Variants in SUSD1 observed in about 807,000 individuals in gnomAD.
SUSD1 encodes the protein sushi domain containing 1, also known as sushi domain-containing protein 1.
A neutral mutation model predicts 86.9 loss-of-function variants in SUSD1; 65 were observed. The ratio of observed to expected loss-of-function variants is 0.75; its 90% confidence interval spans 0.61 to 0.92. The LOEUF (loss-of-function observed/expected upper bound fraction) is 0.92. SUSD1 is among the 40% of genes least tolerant of loss of function. The pLI is 0.00. For missense variants in SUSD1, 850 were observed against 929.7 expected, an observed-to-expected ratio of 0.91 and a Z score of 1.11; for synonymous variants, 346 against 350.0, an observed-to-expected ratio of 0.99 and a Z score of 0.13.
intron 12 of SUSD1, among the ~76,000 whole-genome samples, chr9:112,072,143 T>C (rs1180943660): frequency 5.2e-4 from 68 of 130,308 alleles, no homozygotes; most frequent in Admixed American, 1.9e-3. Flanking sequence ...TCTTTCTCTT[T>C]TTTTTTTTTT....
chr9:112,078,820 T>G (rs540777719), intron 11 of SUSD1, 96 bp from the exon 12 acceptor site: 2 of 1,127,644 alleles, frequency 1.8e-6, no homozygotes, highest in East Asian at 5.0e-5. Context: ...TCTTTTTTTT[T>G]TTTTTTTTTT....
At chr9:112,111,041 T>C (rs969823825) in intron 8 of SUSD1, among the ~76,000 whole-genome samples, 2 of 152,016 alleles carry the variant, frequency 1.3e-5, no homozygotes, top group African/African-American at 2.4e-5. Flanking sequence ...CAGGCAGGAG[T>C]GCAGTGGTGC....
chr9:112,091,181 G>T (rs1297236987), intron 10 of SUSD1, among the ~76,000 whole-genome samples: 1 of 152,000 alleles, frequency 6.6e-6, no homozygotes, highest in Non-Finnish European at 1.5e-5. Flanking sequence ...CAGGCTAATG[G>T]TTTGTAAGAA....
At chr9:112,170,710 T>TATATATATATATATATAGAG (rs758442726) in intron 1 of SUSD1, among the ~76,000 whole-genome samples, 2 of 113,792 alleles carry the variant, frequency 1.8e-5, no homozygotes, top group African/African-American at 3.8e-5. Context: ...TATATATATA[T>TATATATATATATATATAGAG]AGAGAGAGAG....
intron 5 of SUSD1, among the ~76,000 whole-genome samples, chr9:112,133,483 A>G (rs1224124317): frequency 1.3e-5 from 2 of 152,234 alleles, no homozygotes; most frequent in Non-Finnish European, 2.9e-5. Flanking sequence ...CTCCCTATAC[A>G]TAAATGGTGC....
intron 10 of SUSD1, 108 bp downstream of exon 10, chr9:112,098,362 A>AC: frequency 1.8e-6 from 2 of 1,120,548 alleles, no homozygotes; most frequent in South Asian, 3.2e-5. Context: ...TAGAACTGGA[A>AC]CCCCTGTCTC....
At chr9:112,107,349 T>A (rs1443574197) in intron 8 of SUSD1, among the ~76,000 whole-genome samples, 3 of 151,120 alleles carry the variant, frequency 2.0e-5, no homozygotes. Context: ...CTTGGGAGGC[T>A]AAGGCACAAG....
chr9:112,103,596 C>A (rs138212398), intron 8 of SUSD1, among the ~76,000 whole-genome samples: 2 of 152,144 alleles, frequency 1.3e-5, no homozygotes, highest in East Asian at 3.8e-4. Context: ...GGGAAGATGG[C>A]AATGTGAACA....
intron 2 of SUSD1, among the ~76,000 whole-genome samples, chr9:112,150,433 GT>G (rs527827473): frequency 1.7e-3 from 252 of 152,272 alleles, no homozygotes; most frequent in African/African-American, 5.9e-3. Flanking sequence ...CCTCATATCC[GT>G]TTAATGGCCT....
In SUSD1 at chr9:112,100,589, T is replaced by G. The variant is rs929213533; in HGVS notation, c.1281+1587A>C. On this transcript the variant is annotated intron_variant, in intron 9 of 16. Coordinates refer to ENST00000374270, the MANE Select transcript of SUSD1 (RefSeq NM_022486.5). ...GCTCACACCTGTAATCCCAGCACTTTGGGAAGCCAAGGCAGCTGGATCACC... is the reference window on the plus strand; with the variant it reads ...GCTCACACCTGTAATCCCAGCACTTGGGGAAGCCAAGGCAGCTGGATCACC... 2.6e-5 allele frequency among the ~76,000 whole-genome samples: 4 copies of G among 151,872 alleles called. No homozygotes were observed. The East Asian group carries it at 5.9e-4, about 22-fold the overall frequency.
At position 112,158,747 on chromosome 9, in the gene SUSD1, C is replaced by T. The variant is rs192603747; in HGVS notation, c.104-1134G>A. Among the ~76,000 whole-genome samples the T allele has an allele frequency of 2.0e-4, 30 of 152,220 alleles. 1 individual carries two copies. Among genetic ancestry groups the T allele is most frequent in the South Asian group, 6.2e-4 (3 of 4,818 alleles). ...CATCTTCCTCTGTGCTCCCCTAACA[C>T]TGGCACATTCCCTATCAATCATGTT... On this transcript the variant is annotated intron_variant, in intron 1 of 16. Transcript: ENST00000374270.
chr9:112,169,283 T>C (rs950313693), intron 1 of SUSD1: 2 of 152,116 alleles, frequency 1.3e-5, no homozygotes, highest in African/African-American at 4.8e-5. Context: ...GAACTCTCAG[T>C]TGGGCTGGTC....
intron 8 of SUSD1, among the ~76,000 whole-genome samples, chr9:112,110,159 G>C (rs1183106081): frequency 6.6e-6 from 1 of 152,084 alleles, no homozygotes; most frequent in Non-Finnish European, 1.5e-5. Flanking sequence ...GACCAGCCTG[G>C]CCAATAAGGT....
At chr9:112,150,385 CTTGT>C (rs1832994518) in intron 2 of SUSD1, among the ~76,000 whole-genome samples, 2 of 152,196 alleles carry the variant, frequency 1.3e-5, no homozygotes, top group Admixed American at 1.3e-4. Flanking sequence ...GAATTTGTAG[CTTGT>C]TTGTTACTTC....
At chr9:112,151,626 G>A (rs890099031) in intron 2 of SUSD1, among the ~76,000 whole-genome samples, 7 of 151,638 alleles carry the variant, frequency 4.6e-5, no homozygotes, top group East Asian at 1.9e-4. Flanking sequence ...TCTTGGCCGG[G>A]CACAGTGGCT....
At chr9:112,116,085 C>A (rs969958430) in intron 6 of SUSD1, among the ~76,000 whole-genome samples, 5 of 152,176 alleles carry the variant, frequency 3.3e-5, no homozygotes, top group Admixed American at 2.0e-4. Flanking sequence ...ACCAGCCCAG[C>A]CCTCATCTTC....
At chr9:112,053,527 A>AAAAAAAAAAAAAAAAAAAAAAAG (rs1828317059) in intron 14 of SUSD1, among the ~76,000 whole-genome samples, 1 of 151,756 alleles carries the variant, frequency 6.6e-6, no homozygotes, top group Non-Finnish European at 1.5e-5. Context: ...AAAAAAAAAA[A>AAAAAAAAAAAAAAAAAAAAAAAG]AAAAAAAAAA....
At chr9:112,132,098 C>T (rs189513740) in intron 5 of SUSD1, among the ~76,000 whole-genome samples, 11 of 152,324 alleles carry the variant, frequency 7.2e-5, no homozygotes, top group South Asian at 2.1e-4. Context: ...AGGCAACTTA[C>T]GGCATCTAAT....
At chr9:112,116,677 G>A (rs1316470088) in intron 6 of SUSD1, among the ~76,000 whole-genome samples, 1 of 152,222 alleles carries the variant, frequency 6.6e-6, no homozygotes, top group East Asian at 1.9e-4. Flanking sequence ...ATGGGTGCAG[G>A]TGAGATATGC....
Sources: allele counts gnomAD v4.1 joint callset (sites outside exome capture counted in the v4.1 genomes callset), GRCh38; gene constraint gnomAD v4.1.1; transcripts MANE v1.5; gene names NCBI Gene and HGNC (gene_info 2026-07-23, HGNC 2026-07-21).